Variants in PRKAG2 observed in about 807,000 individuals in gnomAD.
PRKAG2 encodes protein kinase AMP-activated non-catalytic subunit gamma 2.
PRKAG2 carries 26 observed loss-of-function variants against 69.6 expected under a neutral mutation model. The ratio of observed to expected loss-of-function variants is 0.37; its 90% confidence interval spans 0.27 to 0.52. The LOEUF (loss-of-function observed/expected upper bound fraction) is 0.52, where lower values mean the gene tolerates loss of function less well. PRKAG2 is among the 20% of genes least tolerant of loss of function. The pLI, the probability that PRKAG2 is intolerant of heterozygous loss-of-function variation, is 0.90. For missense variants in PRKAG2, 557 were observed against 740.0 expected, an observed-to-expected ratio of 0.75 and a Z score of 2.87; for synonymous variants, 293 against 285.0, an observed-to-expected ratio of 1.03 and a Z score of -0.28.
intron 3 of PRKAG2, among the ~76,000 whole-genome samples, chr7:151,778,434 A>C (rs1221922956): frequency 2.0e-5 from 3 of 152,144 alleles, no homozygotes; most frequent in South Asian, 4.1e-4. Flanking sequence ...GAGCCAAATA[A>C]ACCTCTTCCC....
At chr7:151,786,042 G>C (rs1490361610) in intron 2 of PRKAG2, among the ~76,000 whole-genome samples, 1 of 152,246 alleles carries the variant, frequency 6.6e-6, no homozygotes, top group Non-Finnish European at 1.5e-5. Context: ...GAGGTGGAAG[G>C]AGAGAGCCCA....
intron 5 of PRKAG2, among the ~76,000 whole-genome samples, chr7:151,626,952 T>C (rs1021279241): frequency 6.6e-6 from 1 of 152,168 alleles, no homozygotes; most frequent in African/African-American, 2.4e-5. Flanking sequence ...CGATCTTCAC[T>C]TACTCAGGGT....
chr7:151,842,599 ATGGTAG>A (rs2079332906), intron 1 of PRKAG2, among the ~76,000 whole-genome samples: 15 of 138,088 alleles, frequency 1.1e-4, no homozygotes, highest in Admixed American at 2.1e-4. Flanking sequence ...GTAGGTAGGG[ATGGTAG>A]TGATGGTAGG....
intron 3 of PRKAG2, among the ~76,000 whole-genome samples, chr7:151,682,591 G>A (rs1051029068): frequency 1.3e-5 from 2 of 152,310 alleles, no homozygotes; most frequent in Middle Eastern, 3.4e-3. Flanking sequence ...GTCAACTGCT[G>A]AACTCAACCT....
At chr7:151,709,319 G>A (rs1034199013) in intron 3 of PRKAG2, among the ~76,000 whole-genome samples, 6 of 151,780 alleles carry the variant, frequency 4.0e-5, no homozygotes, top group African/African-American at 1.2e-4. Flanking sequence ...TGACAATGAC[G>A]TGTGACATTG....
chr7:151,823,701 C>G (rs561954215), intron 1 of PRKAG2, among the ~76,000 whole-genome samples: 1 of 152,262 alleles, frequency 6.6e-6, no homozygotes, highest in Non-Finnish European at 1.5e-5. Context: ...CTTCCACAGC[C>G]TGATCCTATG....
intron 1 of PRKAG2, among the ~76,000 whole-genome samples, chr7:151,862,441 T>C (rs2079954742): frequency 6.6e-6 from 1 of 152,210 alleles, no homozygotes; most frequent in African/African-American, 2.4e-5. Flanking sequence ...TTTTTCTAAA[T>C]TGGGTCGTCG....
chr7:151,576,570 G>A, intron 6 of PRKAG2, 118 bp from the exon 7 acceptor site: 1 of 860,526 alleles, frequency 1.2e-6, no homozygotes, highest in Non-Finnish European at 1.9e-6. Context: ...GCACCATCTT[G>A]GCTCACAGCA....
Position 151,741,581 on chromosome 7 carries a change from A to G in PRKAG2, c.466+39571T>C, listed in dbSNP as rs371238890. 3.3e-5 allele frequency among the ~76,000 whole-genome samples: 5 copies of G among 152,018 alleles called. No homozygotes were observed. The East Asian group carries it at 9.7e-4, about 30-fold the overall frequency. Reference sequence around the variant, plus strand: ...CCCCAGCTATTAGGGAGGCTGAGGCAGGAGAATCGCTTGAACCAGGAGGCA... The same window carrying G: ...CCCCAGCTATTAGGGAGGCTGAGGCGGGAGAATCGCTTGAACCAGGAGGCA... On this transcript the variant is annotated intron_variant, in intron 3 of 15. Transcript: ENST00000287878.
rs150314832 is a variant in PRKAG2, at chr7:151,638,645, T to A, written c.685-6507A>T. ...GAGACTCTGTCTCAAAAAAAAAAGC[T>A]AAATTATTAAGTTGTGTCTTACATA... On this transcript the variant is annotated intron_variant, in intron 4 of 15. Coordinates refer to ENST00000287878, the MANE Select transcript of PRKAG2 (RefSeq NM_016203.4). This position sits in a 1 kb window ranked among gnomAD's most constrained non-coding sequence, Gnocchi z 4.3. Among the ~76,000 whole-genome samples the A allele has an allele frequency of 6.6e-6, 1 of 151,982 alleles. No homozygotes were observed. Among genetic ancestry groups the A allele is most frequent in the Non-Finnish European group, 1.5e-5 (1 of 67,960 alleles).
intron 3 of PRKAG2, among the ~76,000 whole-genome samples, chr7:151,730,823 G>T (rs944547564): frequency 6.6e-6 from 1 of 152,172 alleles, no homozygotes; most frequent in African/African-American, 2.4e-5. Context: ...AATGTTCATG[G>T]GCCAGGAAGG....
intron 3 of PRKAG2, among the ~76,000 whole-genome samples, chr7:151,685,133 C>T (rs190135342): frequency 1.9e-4 from 29 of 152,128 alleles, no homozygotes; most frequent in Admixed American, 2.6e-4. Context: ...TCTTCTCTTT[C>T]CCCCCAGCCC....
intron 3 of PRKAG2, among the ~76,000 whole-genome samples, chr7:151,715,347 A>AAAAAAAATT (rs1461649654): frequency 1.5e-5 from 2 of 136,646 alleles, no homozygotes; most frequent in Admixed American, 7.7e-5. Context: ...AAAAAAAAAA[A>AAAAAAAATT]ATTATTATTA....
Position 151,595,382 on chromosome 7 carries a change from G to C in PRKAG2, c.827C>G (p.Thr276Ser). 1.2e-6 allele frequency: 2 copies of C among 1,613,894 alleles called. No homozygotes were observed. The highest frequency in any genetic ancestry group is 1.7e-6 in the Non-Finnish European group (2 of 1,179,856). The part of the protein sequence containing the change: ...RSHKCYDIVP[T>S]SSKLVVFDTT... ...ATCAAAGACAACAAGCTTTGAACTG[G>C]TTGGAACGATGTCATAACACTTGTG... is the stretch of plus-strand genomic sequence containing the variant. Residue 276 changes from threonine (T) to serine (S), a missense_variant, in exon 6 of 16, where the codon ACC (threonine) becomes AGC (serine). Thr to Ser is a moderately conservative substitution (Grantham distance 58). This residue lies in a region of PRKAG2 where 205 missense variants were observed against 383.4 expected (regional missense o/e 0.53). Coordinates refer to ENST00000287878, the MANE Select transcript of PRKAG2 (RefSeq NM_016203.4).
At chr7:151,773,207 A>G (rs537354218) in intron 3 of PRKAG2, among the ~76,000 whole-genome samples, 10 of 150,352 alleles carry the variant, frequency 6.7e-5, no homozygotes, top group East Asian at 1.9e-4. Context: ...GGAAAGAAAG[A>G]AAGGAAAGAA....
At chr7:151,845,022 G>A (rs551300687) in intron 1 of PRKAG2, among the ~76,000 whole-genome samples, 2 of 152,200 alleles carry the variant, frequency 1.3e-5, no homozygotes, top group Admixed American at 6.5e-5. Context: ...TCCAGGGATG[G>A]CGGCAGGCAG....
intron 1 of PRKAG2, among the ~76,000 whole-genome samples, chr7:151,821,568 C>T (rs916340328): frequency 6.6e-6 from 1 of 152,130 alleles, no homozygotes; most frequent in Non-Finnish European, 1.5e-5. Context: ...CAAGGCTCCC[C>T]AATTTAATTG....
At chr7:151,738,925 G>A (rs1687824242) in intron 3 of PRKAG2, among the ~76,000 whole-genome samples, 1 of 152,178 alleles carries the variant, frequency 6.6e-6, no homozygotes, top group African/African-American at 2.4e-5. Context: ...CTCCAGGCTA[G>A]GGCAACAGGA....
chr7:151,808,031 G>A (rs1021895673), intron 1 of PRKAG2, among the ~76,000 whole-genome samples: 2 of 152,114 alleles, frequency 1.3e-5, no homozygotes, highest in Admixed American at 6.5e-5. Flanking sequence ...GGACCGCCCC[G>A]CAGCAAGACG....
Sources: allele counts gnomAD v4.1 joint callset (sites outside exome capture counted in the v4.1 genomes callset), GRCh38; gene constraint gnomAD v4.1.1; regional missense constraint gnomAD v4.1.1; non-coding constraint Gnocchi (gnomAD v3.1); transcripts MANE v1.5; gene names NCBI Gene and HGNC (gene_info 2026-07-23, HGNC 2026-07-21).